The following SLC25A26 variants were observed in gnomAD, a reference collection of about 807,000 sequenced individuals.
SLC25A26 encodes mitochondrial S-adenosylmethionine carrier protein.
Under a neutral mutation model 37.8 loss-of-function variants are expected in SLC25A26, and 36 were observed. The ratio of observed to expected loss-of-function variants is 0.95; its 90% CI spans 0.73 to 1.26. SLC25A26 has a LOEUF of 1.26. SLC25A26 is among the 50% of genes most tolerant of loss of function. The pLI is 0.00. For synonymous variants in SLC25A26, 129 were observed against 122.5 expected, an observed-to-expected ratio of 1.05 and a Z score of -0.35; for missense variants, 390 against 331.1, an observed-to-expected ratio of 1.18 and a Z score of -1.38.
intron 1 of SLC25A26, among the ~76,000 whole-genome samples, chr3:66,191,511 G>GAAC (rs2106790551): frequency 6.6e-6 from 1 of 152,212 alleles, no homozygotes; most frequent in Admixed American, 6.5e-5. Flanking sequence ...AATGTAAGAA[G>GAAC]AACAACACAT....
chr3:66,220,974 C>A, upstream of SLC25A26: 2 of 1,075,196 alleles, frequency 1.9e-6, no homozygotes, highest in Non-Finnish European at 2.7e-6. Context: ...TGTGGTTCTA[C>A]GTCACGTGGT....
chr3:66,148,346 G>C (rs1321300559), intron 1 of SLC25A26, among the ~76,000 whole-genome samples: 1 of 152,202 alleles, frequency 6.6e-6, no homozygotes, highest in Non-Finnish European at 1.5e-5. Flanking sequence ...CAGGGGCTAG[G>C]AACTGGGAAG....
intron 1 of SLC25A26, among the ~76,000 whole-genome samples, chr3:66,168,153 C>CAAA (rs1238897849): frequency 0.051 from 2,686 of 53,052 alleles, 111 homozygotes; most frequent in African/African-American, 0.14. Flanking sequence ...AACTCAGTCT[C>CAAA]AAAAAAAATA....
intron 5 of SLC25A26, among the ~76,000 whole-genome samples, chr3:66,287,420 A>G (rs72902921): frequency 0.012 from 1,812 of 151,984 alleles, 34 homozygotes; most frequent in African/African-American, 0.04. Context: ...TTACAGTTCA[A>G]TAATTCGGTA....
chr3:66,241,912 C>CTTT (rs36194673), intron 2 of SLC25A26, among the ~76,000 whole-genome samples: 34 of 144,594 alleles, frequency 2.4e-4, no homozygotes, highest in East Asian at 6.0e-4. Flanking sequence ...GAAAGCATAG[C>CTTT]TTTTTTTTTT....
intron 5 of SLC25A26, among the ~76,000 whole-genome samples, chr3:66,288,337 ATTAAACT>A (rs1293053589): frequency 6.6e-6 from 1 of 152,172 alleles, no homozygotes; most frequent in Non-Finnish European, 1.5e-5. Flanking sequence ...TTTTAAAAAA[ATTAAACT>A]TTAAGTTCTG....
chr3:66,368,830 C>A (rs1435373998), intron 7 of SLC25A26, among the ~76,000 whole-genome samples: 9 of 151,980 alleles, frequency 5.9e-5, no homozygotes, highest in African/African-American at 2.2e-4. Context: ...CCAGGCTGGG[C>A]AACAGAGCAA....
At chr3:66,142,873 C>T (rs1453563400) in intron 1 of SLC25A26, among the ~76,000 whole-genome samples, 1 of 152,158 alleles carries the variant, frequency 6.6e-6, no homozygotes, top group Non-Finnish European at 1.5e-5. Flanking sequence ...AAGCAGTCCT[C>T]CCACCTCAGC....
At chr3:66,217,620 C>T (rs2071380879), upstream of SLC25A26, among the ~76,000 whole-genome samples, 1 of 151,914 alleles carries the variant, frequency 6.6e-6, no homozygotes, top group South Asian at 2.1e-4. Context: ...ACAATCTCAG[C>T]TCACCGCAAC....
At chr3:66,218,105 G>T (rs944452576), upstream of SLC25A26, among the ~76,000 whole-genome samples, 1 of 151,936 alleles carries the variant, frequency 6.6e-6, no homozygotes. Context: ...CAATACATGT[G>T]GTCTTTTTTT....
At chr3:66,354,764 G>T (rs367633108) in intron 6 of SLC25A26, among the ~76,000 whole-genome samples, 2 of 152,260 alleles carry the variant, frequency 1.3e-5, no homozygotes, top group Admixed American at 6.5e-5. Context: ...TATGGGGGCA[G>T]ATCTTTCCAG....
intron 5 of SLC25A26, among the ~76,000 whole-genome samples, chr3:66,310,180 C>T (rs1274460594): frequency 6.6e-6 from 1 of 152,166 alleles, no homozygotes; most frequent in Non-Finnish European, 1.5e-5. Context: ...AATCTGAGTG[C>T]TCCTGTATTG....
chr3:66,197,690 C>A (rs936168185), intron 1 of SLC25A26, among the ~76,000 whole-genome samples: 6 of 151,804 alleles, frequency 4.0e-5, no homozygotes, highest in Non-Finnish European at 8.8e-5. Flanking sequence ...GGTGAGTTTG[C>A]GTGTCAGGTT....
intron 7 of SLC25A26, 36 bp from the exon 8 acceptor site, chr3:66,369,442 A>T: frequency 6.4e-7 from 1 of 1,563,714 alleles, no homozygotes; most frequent in South Asian, 1.2e-5. Flanking sequence ...TACAGTAAAC[A>T]GGATCTCACT....
At chr3:66,143,622 G>A (rs1053095315) in intron 1 of SLC25A26, among the ~76,000 whole-genome samples, 4 of 152,188 alleles carry the variant, frequency 2.6e-5, no homozygotes, top group African/African-American at 7.2e-5. Context: ...AGTGGTTCAC[G>A]CCTGTAATCC....
intron 1 of SLC25A26, among the ~76,000 whole-genome samples, chr3:66,154,194 T>G (rs1465762737): frequency 6.6e-6 from 1 of 152,146 alleles, no homozygotes; most frequent in East Asian, 1.9e-4. Context: ...CCATCCACCC[T>G]GTCTCCCTGC....
At chr3:66,210,772 C>T (rs1335151685) in intron 1 of SLC25A26, among the ~76,000 whole-genome samples, 6 of 151,956 alleles carry the variant, frequency 3.9e-5, no homozygotes, top group Non-Finnish European at 5.9e-5. Flanking sequence ...CCTCAGCCTC[C>T]CAAAATGCTG....
At chr3:66,288,323 T>C (rs1416966968) in intron 5 of SLC25A26, among the ~76,000 whole-genome samples, 1 of 150,998 alleles carries the variant, frequency 6.6e-6, no homozygotes, top group East Asian at 1.9e-4. Context: ...TTGGAAAGCA[T>C]TTTTTTTAAA....
At chr3:66,163,026 T>C (rs938649011) in intron 1 of SLC25A26, among the ~76,000 whole-genome samples, 5 of 152,202 alleles carry the variant, frequency 3.3e-5, no homozygotes, top group Admixed American at 2.0e-4. Context: ...CAGCCTCCTT[T>C]CTGAGGAGTG....
Sources: gnomAD v4.1 joint callset for allele counts (sites outside exome capture counted in the v4.1 genomes callset) on GRCh38, gnomAD v4.1.1 for gene constraint, MANE v1.5 for transcripts, NCBI Gene and HGNC (gene_info 2026-07-23, HGNC 2026-07-21) for gene names.